VSTM4: variants seen among roughly 807,000 people sequenced by gnomAD.
The protein encoded by VSTM4 is V-set and transmembrane domain containing 4, also known as V-set and transmembrane domain-containing protein 4.
VSTM4 carries 20 observed loss-of-function variants against 36.4 expected under a neutral mutation model. That is an observed-to-expected ratio of 0.55 (90% CI 0.39 to 0.80). The LOEUF (loss-of-function observed/expected upper bound fraction) is 0.80, where lower values mean the gene tolerates loss of function less well. Among genes scored for constraint, VSTM4 ranks in the 30% least tolerant of loss-of-function variants. The probability of loss-of-function intolerance (pLI) is 0.00; values close to 1 mark genes in which losing one functional copy is unlikely to be tolerated. For missense variants in VSTM4, 392 were observed against 404.5 expected, an observed-to-expected ratio of 0.97 and a Z score of 0.26; for synonymous variants, 182 against 173.9, an observed-to-expected ratio of 1.05 and a Z score of -0.37.
intron 2 of VSTM4, chr10:49,102,827 T>C (rs1844693326): frequency 3.7e-6 from 3 of 810,148 alleles, no homozygotes; most frequent in Non-Finnish European, 4.5e-6. Flanking sequence ...TTGCAGGCAT[T>C]CATTGTTATC....
At chr10:49,032,739 AGGTTCC>A (rs1843365217) in intron 7 of VSTM4, among the ~76,000 whole-genome samples, 1 of 152,134 alleles carries the variant, frequency 6.6e-6, no homozygotes, top group Non-Finnish European at 1.5e-5. Flanking sequence ...GCTTCTCTAG[AGGTTCC>A]ACGACAACAC....
At chr10:49,039,675 G>A (rs1478690895) in intron 7 of VSTM4, among the ~76,000 whole-genome samples, 1 of 152,122 alleles carries the variant, frequency 6.6e-6, no homozygotes, top group Non-Finnish European at 1.5e-5. Flanking sequence ...CATGGTTGAT[G>A]ACGAGGCATG....
At chr10:49,107,302 T>C (rs1207154159) in intron 2 of VSTM4, among the ~76,000 whole-genome samples, 1 of 152,206 alleles carries the variant, frequency 6.6e-6, no homozygotes, top group Non-Finnish European at 1.5e-5. Flanking sequence ...CACACAGCAG[T>C]CCAACTTCAG....
At chr10:49,070,394 C>G (rs1844055704) in intron 4 of VSTM4, among the ~76,000 whole-genome samples, 2 of 146,404 alleles carry the variant, frequency 1.4e-5, no homozygotes, top group Non-Finnish European at 3.0e-5. Flanking sequence ...TGCTTTTTAC[C>G]TTTTTGAATG....
At chr10:49,080,895 CA>C (rs1844267069) in intron 3 of VSTM4, among the ~76,000 whole-genome samples, 5 of 152,182 alleles carry the variant, frequency 3.3e-5, no homozygotes, top group African/African-American at 7.2e-5. Flanking sequence ...AGCTAAAAAT[CA>C]AAACTGCCTT....
intron 1 of VSTM4, among the ~76,000 whole-genome samples, chr10:49,108,939 T>C (rs1239707939): frequency 6.6e-6 from 1 of 152,158 alleles, no homozygotes; most frequent in Admixed American, 6.5e-5. Context: ...TACCCTGGAC[T>C]GCCCAGTGCG....
chr10:49,056,961 A>T (rs1190888008), intron 5 of VSTM4, among the ~76,000 whole-genome samples: 1 of 152,206 alleles, frequency 6.6e-6, no homozygotes, highest in East Asian at 1.9e-4. Context: ...GCTTCCAGTC[A>T]TGGCGGAAGG....
chr10:49,107,952 C>T lies in VSTM4; in HGVS notation c.99G>A (p.Val33=). 6.2e-7 allele frequency: 1 copy of T among 1,605,982 alleles called. No homozygotes were observed. Among genetic ancestry groups the T allele is most frequent in the Non-Finnish European group, 8.5e-7 (1 of 1,175,890 alleles). The change falls in exon 2 of 8, where the codon GTG becomes GTA. Residue 33 remains valine (V), a synonymous_variant. Transcript: ENST00000332853. ...CATTCTCCCCCTCCAGGTAGTCAACCACGGGCCCCGGGGACACAGTGACAT... is the reference window on the plus strand; with the variant it reads ...CATTCTCCCCCTCCAGGTAGTCAACTACGGGCCCCGGGGACACAGTGACAT... The part of the protein sequence containing the change: ...ALNVTVSPGP[V]VDYLEGENAT...
chr10:49,114,825 T>C (rs1357372275), intron 1 of VSTM4, among the ~76,000 whole-genome samples: 2 of 152,064 alleles, frequency 1.3e-5, no homozygotes, highest in Non-Finnish European at 2.9e-5. Flanking sequence ...AAAACCCGAA[T>C]GAAAGCCATT....
At chr10:49,073,481 C>A (rs183797219) in intron 4 of VSTM4, among the ~76,000 whole-genome samples, 2 of 152,352 alleles carry the variant, frequency 1.3e-5, no homozygotes, top group East Asian at 1.9e-4. Context: ...CAGAGCATGG[C>A]AGAAGCAGAA....
chr10:49,114,295 A>T (rs1844949587), intron 1 of VSTM4, among the ~76,000 whole-genome samples: 1 of 151,318 alleles, frequency 6.6e-6, no homozygotes, highest in African/African-American at 2.4e-5. Context: ...GGATCTATGG[A>T]TTAATGCTGG....
chr10:49,047,214 C>A (rs1590084445), intron 6 of VSTM4, among the ~76,000 whole-genome samples, 170 bp from the exon 7 acceptor site: 1 of 152,178 alleles, frequency 6.6e-6, no homozygotes, highest in Admixed American at 6.5e-5. Flanking sequence ...GCGTGATCCT[C>A]CCCTAGTCTT....
intron 5 of VSTM4, among the ~76,000 whole-genome samples, chr10:49,054,499 G>A (rs1014396881): frequency 2.6e-5 from 4 of 152,216 alleles, no homozygotes; most frequent in Admixed American, 6.5e-5. Context: ...AGAGGAGGAA[G>A]GGGGCATGTG....
intron 2 of VSTM4, among the ~76,000 whole-genome samples, chr10:49,099,718 G>C (rs1342274819): frequency 6.6e-6 from 1 of 152,154 alleles, no homozygotes; most frequent in Non-Finnish European, 1.5e-5. Flanking sequence ...TTTTACCATT[G>C]GGTAATAAAA....
intron 7 of VSTM4, among the ~76,000 whole-genome samples, chr10:49,024,799 G>A (rs1057028791): frequency 3.9e-5 from 6 of 152,280 alleles, no homozygotes; most frequent in African/African-American, 1.2e-4. Context: ...AGAACTTTGT[G>A]AACTAAGTAG....
intron 2 of VSTM4, among the ~76,000 whole-genome samples, chr10:49,107,253 C>T (rs1171000990): frequency 2.0e-5 from 3 of 152,240 alleles, no homozygotes; most frequent in Admixed American, 2.0e-4. Flanking sequence ...TCTGCCCTGA[C>T]CCCTTTGACC....
chr10:49,106,846 T>G (rs1167824436), intron 2 of VSTM4, among the ~76,000 whole-genome samples: 1 of 152,202 alleles, frequency 6.6e-6, no homozygotes, highest in Non-Finnish European at 1.5e-5. Context: ...CAACAAACAC[T>G]AACATAGTTT....
At chr10:49,051,546 C>T (rs1843698527) in intron 5 of VSTM4, among the ~76,000 whole-genome samples, 1 of 152,132 alleles carries the variant, frequency 6.6e-6, no homozygotes, top group Non-Finnish European at 1.5e-5. Flanking sequence ...CAGGTGCCTG[C>T]CACCATGCCC....
intron 7 of VSTM4, among the ~76,000 whole-genome samples, chr10:49,038,446 G>T (rs1471844909): frequency 6.6e-6 from 1 of 152,186 alleles, no homozygotes; most frequent in Admixed American, 6.5e-5. Flanking sequence ...GGAAGCTAGG[G>T]GCTGGCTGGG....
Sources: gnomAD v4.1 joint callset for allele counts (sites outside exome capture counted in the v4.1 genomes callset) on GRCh38, gnomAD v4.1.1 for gene constraint, MANE v1.5 for transcripts, NCBI Gene and HGNC (gene_info 2026-07-23, HGNC 2026-07-21) for gene names.